SPINK9: variants seen among roughly 807,000 people sequenced by gnomAD.
SPINK9 encodes serine peptidase inhibitor Kazal type 9.
In SPINK9, 3 loss-of-function variants were observed where a neutral mutation model predicts 10.8. The ratio of observed to expected loss-of-function variants is 0.28; its 90% confidence interval spans 0.13 to 0.72. The LOEUF (loss-of-function observed/expected upper bound fraction) is 0.72, where lower values mean the gene tolerates loss of function less well. Among genes scored for constraint, SPINK9 ranks in the 30% least tolerant of loss-of-function variants. The pLI is 0.74. For synonymous variants in SPINK9, 30 were observed against 31.2 expected (o/e 0.96, Z 0.12); for missense variants, 101 against 103.2 (o/e 0.98, Z 0.09).
chr5:148,335,428 A>G, upstream of SPINK9: 1 of 527,482 alleles, frequency 1.9e-6, no homozygotes, highest in Non-Finnish European at 3.4e-6. Context: ...TGTCTTTCAC[A>G]AGAAAAGAAT....
chr5:148,323,122 G>A (rs1757017550), intron 1 of SPINK9, among the ~76,000 whole-genome samples: 1 of 152,088 alleles, frequency 6.6e-6, no homozygotes, highest in Non-Finnish European at 1.5e-5. Flanking sequence ...TAAAAATAGA[G>A]GTGAAAAATC....
intron 3 of SPINK9, among the ~76,000 whole-genome samples, chr5:148,338,924 C>T (rs1757252566): frequency 6.6e-6 from 1 of 152,144 alleles, no homozygotes; most frequent in South Asian, 2.1e-4. Flanking sequence ...CACAGTCCAC[C>T]TGGATTATTT....
intron 2 of SPINK9, among the ~76,000 whole-genome samples, chr5:148,327,855 A>T (rs71580489): frequency 0.34 from 51,331 of 151,232 alleles, 9,657 homozygotes; most frequent in African/African-American, 0.52. Context: ...GTTCTGTCCC[A>T]TTGGTCTATA....
At chr5:148,337,163 A>T (rs1012783722) in intron 2 of SPINK9, among the ~76,000 whole-genome samples, 1 of 152,168 alleles carries the variant, frequency 6.6e-6, no homozygotes, top group Non-Finnish European at 1.5e-5. Flanking sequence ...GGATTACTGA[A>T]AGTTACGAGC....
At chr5:148,330,310 C>T (rs888640574) in intron 2 of SPINK9, among the ~76,000 whole-genome samples, 4 of 151,950 alleles carry the variant, frequency 2.6e-5, no homozygotes, top group African/African-American at 4.8e-5. Context: ...CTGTTTTATC[C>T]GAGACTAGGG....
chr5:148,339,548 A>G (rs1757262167), intron 3 of SPINK9, 119 bp from the exon 4 acceptor site: 1 of 835,770 alleles, frequency 1.2e-6, no homozygotes, highest in South Asian at 1.7e-5. Context: ...ACTCCTTTTA[A>G]AAACATCAAT....
chr5:148,326,287 G>C (rs186427011), intron 2 of SPINK9, among the ~76,000 whole-genome samples: 5 of 152,148 alleles, frequency 3.3e-5, no homozygotes, highest in Non-Finnish European at 7.4e-5. Flanking sequence ...TATGTACACT[G>C]TTGGTGGGAT....
chr5:148,323,798 A>G lies in SPINK9; in HGVS notation c.48A>G (p.Pro16=), dbSNP rs9325093. Residue 16 remains proline (P), a synonymous_variant, in exon 2 of 5, where the codon CCA becomes CCG. Coordinates refer to the SPINK9 transcript ENST00000511717. Reference sequence around the variant, plus strand: ...ATCATTGTTTTCATTATAAAACTCCACCAAGCAGCTCAGGAGAACACAATG... The same window carrying G: ...ATCATTGTTTTCATTATAAAACTCCGCCAAGCAGCTCAGGAGAACACAATG... 1,735 of 701,392 alleles carry G rather than the reference A, an allele frequency of 2.5e-3. 21 individuals carry two copies. In the African/African-American group the frequency reaches 0.027, roughly 11 times the overall value. The allele number at this position is 701,392 out of a possible 1,614,324, so 43.4% of individuals were successfully genotyped here. A position where few individuals can be genotyped will look rare whatever the true frequency, so the allele number is the denominator to read the frequency against.
At position 148,336,443 on chromosome 5, in the gene SPINK9, C is replaced by T. The variant is rs762331307; in HGVS notation, c.77C>T (p.Thr26Met). ...CCAGGTATAGAATGTGCCAAACAGA[C>T]GAAACAGATGGTCAGTACACCCATC... is the stretch of plus-strand genomic sequence containing the variant. ...TMFSIECAKQTKQMVDCSHYK... is the reference protein window; with the variant it reads ...TMFSIECAKQMKQMVDCSHYK... Residue 26 changes from threonine (T) to methionine (M), a missense_variant, in exon 2 of 4, where the codon ACG becomes ATG. Thr to Met is a moderately conservative substitution (Grantham distance 81). Coordinates refer to ENST00000377906, the MANE Select transcript of SPINK9 (RefSeq NM_001040433.2). 15 of 1,613,220 alleles carry T rather than the reference C, an allele frequency of 9.3e-6. No homozygotes were observed. Among genetic ancestry groups the T allele is most frequent in the Admixed American group, 1.7e-5 (1 of 59,950 alleles).
chr5:148,323,970 G>C, intron 2 of SPINK9: 2 of 537,674 alleles, frequency 3.7e-6, no homozygotes, highest in Non-Finnish European at 6.6e-6. Context: ...TGTATATTGT[G>C]GGAGTCAGAT....
chr5:148,327,296 A>G (rs1056842794), intron 2 of SPINK9, among the ~76,000 whole-genome samples: 4 of 152,194 alleles, frequency 2.6e-5, no homozygotes, highest in Non-Finnish European at 5.9e-5. Context: ...TTTTGGCCGC[A>G]TAAATGTCTT....
upstream of SPINK9, among the ~76,000 whole-genome samples, chr5:148,332,292 C>T (rs1318844173): frequency 6.6e-6 from 1 of 152,160 alleles, no homozygotes; most frequent in Non-Finnish European, 1.5e-5. Flanking sequence ...GGGGATTTGC[C>T]ACACAGGCTG....
At chr5:148,324,749 A>T (rs1757037966) in intron 2 of SPINK9, among the ~76,000 whole-genome samples, 1 of 151,968 alleles carries the variant, frequency 6.6e-6, no homozygotes, top group African/African-American at 2.4e-5. Context: ...ATAATTTACA[A>T]AGCATAAAAT....
At chr5:148,337,370 C>A (rs1216331169) in intron 2 of SPINK9, among the ~76,000 whole-genome samples, 1 of 152,138 alleles carries the variant, frequency 6.6e-6, no homozygotes, top group African/African-American at 2.4e-5. Flanking sequence ...GCTCCACTAA[C>A]CTTAGCCCGA....
chr5:148,336,274 C>T, intron 1 of SPINK9, 148 bp from the exon 2 acceptor site: 1 of 801,166 alleles, frequency 1.2e-6, no homozygotes, highest in Non-Finnish European at 2.0e-6. Context: ...GAGCTTCAAC[C>T]TTTGATACAA....
intron 2 of SPINK9, among the ~76,000 whole-genome samples, chr5:148,327,068 A>G (rs1356167058): frequency 1.3e-5 from 2 of 152,160 alleles, no homozygotes; most frequent in South Asian, 4.1e-4. Flanking sequence ...TTCTAGTTCT[A>G]GATCCCCGAG....
At chr5:148,333,423 C>T (rs1038309173), upstream of SPINK9, among the ~76,000 whole-genome samples, 1 of 152,232 alleles carries the variant, frequency 6.6e-6, no homozygotes, top group African/African-American at 2.4e-5. Context: ...CTGCTCCTTG[C>T]TGAGTTAAAC....
intron 2 of SPINK9, among the ~76,000 whole-genome samples, chr5:148,329,342 G>T (rs1561766720): frequency 6.6e-6 from 1 of 152,032 alleles, no homozygotes; most frequent in East Asian, 1.9e-4. Context: ...CTGTGGGATT[G>T]GTGGTGATAT....
chr5:148,329,981 G>A (rs1757124834), intron 2 of SPINK9, among the ~76,000 whole-genome samples: 1 of 152,216 alleles, frequency 6.6e-6, no homozygotes, highest in Admixed American at 6.5e-5. Context: ...TGTATATTCT[G>A]TTGATTTCGG....
Sources: allele counts gnomAD v4.1 joint callset (sites outside exome capture counted in the v4.1 genomes callset), GRCh38; gene constraint gnomAD v4.1.1; transcripts MANE v1.5; gene names NCBI Gene and HGNC (gene_info 2026-07-23, HGNC 2026-07-21).